AJAP1: variants seen among roughly 807,000 people sequenced by gnomAD.
AJAP1 encodes the protein adherens junction-associated protein 1.
AJAP1 carries 5 observed loss-of-function variants against 35.0 expected under a neutral mutation model. The ratio of observed to expected loss-of-function variants is 0.14; its 90% confidence interval spans 0.07 to 0.30. AJAP1 has a LOEUF of 0.30. Among genes scored for constraint, AJAP1 ranks in the 10% least tolerant of loss-of-function variants. The probability of loss-of-function intolerance (pLI) is 1.00; values close to 1 mark genes in which losing one functional copy is unlikely to be tolerated. For synonymous variants in AJAP1, 284 were observed against 249.3 expected (o/e 1.14, Z -1.31); for missense variants, 586 against 571.0 (o/e 1.03, Z -0.27).
chr1:4,754,516 C>G (rs1641385582), intron 2 of AJAP1, among the ~76,000 whole-genome samples: 1 of 152,194 alleles, frequency 6.6e-6, no homozygotes. Flanking sequence ...GTCCCAATCT[C>G]CATTCCAAGC....
At chr1:4,752,754 C>T (rs907275958) in intron 2 of AJAP1, among the ~76,000 whole-genome samples, 1 of 152,156 alleles carries the variant, frequency 6.6e-6, no homozygotes, top group Non-Finnish European at 1.5e-5. Context: ...GTAACCCTAT[C>T]ATTTGAATAA....
At chr1:4,737,148 T>C (rs984717352) in intron 2 of AJAP1, among the ~76,000 whole-genome samples, 3 of 152,166 alleles carry the variant, frequency 2.0e-5, no homozygotes, top group African/African-American at 7.2e-5. Flanking sequence ...GTCCTTTCCC[T>C]GCCTGCAGTT....
rs1437490970 is a variant in AJAP1, at chr1:4,783,481, ATATATATAT to A, written c.*997_*1005del. On this transcript the variant is annotated 3_prime_UTR_variant, in exon 6 of 6. Transcript: ENST00000378191. ...TTTATATATGTGTGTGTATATATAT[ATATATATAT>A]ATATATATATATATATATATGTTTG... The A allele has an allele frequency of 2.1e-5, 2 of 96,822 alleles. No homozygotes were observed. Among genetic ancestry groups the A allele is most frequent in the African/African-American group, 8.2e-5 (2 of 24,360 alleles). The allele number at this position is 96,822 out of a possible 1,614,324, so 6.0% of individuals were successfully genotyped here. A position where few individuals can be genotyped will look rare whatever the true frequency, so the allele number is the denominator to read the frequency against.
In AJAP1 at chr1:4,735,381, T is replaced by C. The variant is rs146914191; in HGVS notation, c.829+22682T>C. ...TGCATCAGTGGGGTGAGAACGCCTATTGGGAGAGGGGACCAATTTGGGCCC... is the reference window on the plus strand; with the variant it reads ...TGCATCAGTGGGGTGAGAACGCCTACTGGGAGAGGGGACCAATTTGGGCCC... On this transcript the variant is annotated intron_variant, in intron 2 of 5. Transcript: ENST00000378191. Among the ~76,000 whole-genome samples the C allele has an allele frequency of 1.7e-3, 262 of 152,250 alleles. 2 individuals are homozygous for C. The highest frequency in any genetic ancestry group is 5.8e-3 in the African/African-American group (240 of 41,566).
In AJAP1 at chr1:4,695,971, A is replaced by G. The variant is rs150701969; in HGVS notation, c.30-15929A>G. 3.4e-4 allele frequency among the ~76,000 whole-genome samples: 52 copies of G among 152,238 alleles called. 1 individual carries two copies. In the East Asian group the frequency reaches 8.3e-3, roughly 24 times the overall value. On this transcript the variant is annotated intron_variant, in intron 1 of 5. Coordinates refer to ENST00000378191, the MANE Select transcript of AJAP1 (RefSeq NM_018836.4). ...TTCTCTCGTACTGGGGGGTTCATCA[A>G]TACCTCCATGGCCATTTGTGTCTGG...
chr1:4,739,299 C>T (rs1026269402), intron 2 of AJAP1, among the ~76,000 whole-genome samples: 3 of 152,210 alleles, frequency 2.0e-5, no homozygotes, highest in South Asian at 2.1e-4. Flanking sequence ...GTGCAAGTAT[C>T]GGCAGGCTTT....
rs1441084482 is a variant in AJAP1 at position 4,782,512 on chromosome 1, C to G, written c.*60-33C>G. On this transcript the variant is annotated intron_variant, in intron 5 of 5. Coordinates refer to ENST00000378191, the MANE Select transcript of AJAP1 (RefSeq NM_018836.4). The surrounding 1 kb of genome is among the most constrained non-coding windows in gnomAD (Gnocchi z 5.3). ...ACTTGTCGCGCCCTCGGCGTGCTGC[C>G]ATTTAATCTCTTCTTGTTTTCTTTC... 2.7e-6 allele frequency: 1 copy of G among 366,064 alleles called. No individual in the cohort carries two copies. The highest frequency in any genetic ancestry group is 4.9e-6 in the Non-Finnish European group (1 of 206,026). 22.7% of individuals were successfully genotyped at this position (366,064 alleles called of 1,614,324 possible).
intron 1 of AJAP1, among the ~76,000 whole-genome samples, chr1:4,669,813 C>G (rs61414117): frequency 6.6e-6 from 1 of 152,166 alleles, no homozygotes; most frequent in Non-Finnish European, 1.5e-5. Flanking sequence ...GCCTGTCCAT[C>G]CACTGATGGA....
rs1642141911 is a variant in AJAP1, at chr1:4,785,187, G to A, written c.*2702G>A. 6.6e-6 allele frequency: 1 copy of A among 152,158 alleles called. No individual in the cohort carries two copies. The highest frequency in any genetic ancestry group is 2.1e-4 in the South Asian group (1 of 4,808). The allele number at this position is 152,158 out of a possible 1,614,324, so 9.4% of individuals were successfully genotyped here. ...CTCTTTCCTGGGTCCATAAGACATC[G>A]AGCCTTGGAAGGAAGCGTAATGCAA... On this transcript the variant is annotated 3_prime_UTR_variant, in exon 6 of 6. Transcript: ENST00000378191.
intron 2 of AJAP1, among the ~76,000 whole-genome samples, chr1:4,717,836 C>T (rs1015472720): frequency 7.2e-5 from 11 of 152,220 alleles, no homozygotes; most frequent in African/African-American, 2.4e-4. Flanking sequence ...GAGACATCCT[C>T]TTCCCCTTTG....
intron 2 of AJAP1, among the ~76,000 whole-genome samples, chr1:4,751,307 C>T (rs1192216341): frequency 2.6e-5 from 4 of 152,156 alleles, no homozygotes; most frequent in Non-Finnish European, 2.9e-5. Flanking sequence ...CACTGACAAA[C>T]GTTCGAATTC....
rs1638867609 is a variant in AJAP1, at chr1:4,655,816, G to C, written c.29+362G>C. On this transcript the variant is annotated intron_variant, in intron 1 of 5. Transcript: ENST00000378191. This position sits in a 1 kb window ranked among gnomAD's most constrained non-coding sequence, Gnocchi z 6.9. The stretch of plus-strand genomic sequence containing the variant: ...TCCCCGGGGCCCGGGGCGAGGCGCC[G>C]GCCGCTGGGCGCGGCGGGCGCGGGG... Among the ~76,000 whole-genome samples the C allele has an allele frequency of 6.7e-6, 1 of 149,084 alleles. No homozygotes were observed. Among genetic ancestry groups the C allele is most frequent in the South Asian group, 2.1e-4 (1 of 4,808 alleles).
In AJAP1 at chr1:4,789,089, T is replaced by C. The variant is rs1415898479; in HGVS notation, c.*6604T>C. 2.0e-5 allele frequency: 3 copies of C among 152,196 alleles called. No individual in the cohort carries two copies. Among genetic ancestry groups the C allele is most frequent in the African/African-American group, 7.2e-5 (3 of 41,444 alleles). The allele number at this position is 152,196 out of a possible 1,614,324, so 9.4% of individuals were successfully genotyped here. ...TTGAATGAGCCGTAAATCTGAGTCA[T>C]ATATAAGAGGCATAATATAAATTGG... On this transcript the variant is annotated 3_prime_UTR_variant, in exon 6 of 6. Transcript: ENST00000378191. The surrounding 1 kb of genome is among the most constrained non-coding windows in gnomAD (Gnocchi z 4.4).
At chr1:4,660,321 A>G (rs974634) in intron 1 of AJAP1, among the ~76,000 whole-genome samples, 33,234 of 152,190 alleles carry the variant, frequency 0.22, 3,709 homozygotes, top group East Asian at 0.28. Context: ...TCAAAGAAGG[A>G]GTGGGGAACG....
At chr1:4,728,306 C>T (rs1178704663) in intron 2 of AJAP1, among the ~76,000 whole-genome samples, 1 of 152,072 alleles carries the variant, frequency 6.6e-6, no homozygotes, top group Non-Finnish European at 1.5e-5. Context: ...TGGCTGAGCA[C>T]GGGGCCCTTC....
chr1:4,698,138 A>G (rs1639908333), intron 1 of AJAP1, among the ~76,000 whole-genome samples: 2 of 152,164 alleles, frequency 1.3e-5, no homozygotes, highest in African/African-American at 4.8e-5. Context: ...TGAGTGATTT[A>G]CACGGATGAT....
At chr1:4,731,058 G>A (rs1640785679) in intron 2 of AJAP1, among the ~76,000 whole-genome samples, 1 of 152,072 alleles carries the variant, frequency 6.6e-6, no homozygotes, top group Non-Finnish European at 1.5e-5. Flanking sequence ...ATTTATTTTA[G>A]GTTTTAGGTT....
rs370377388 is a variant in AJAP1, at chr1:4,654,655, G to C, written c.-771G>C. 921 of 148,164 alleles carry C rather than the reference G, an allele frequency of 6.2e-3. 38 individuals are homozygous for C. The South Asian group carries it at 0.072, about 12-fold the overall frequency. The allele number at this position is 148,164 out of a possible 1,614,324, so 9.2% of individuals were successfully genotyped here. On this transcript the variant is annotated 5_prime_UTR_variant, in exon 1 of 6. Transcript: ENST00000378191. This position sits in a 1 kb window ranked among gnomAD's most constrained non-coding sequence, Gnocchi z 5.1. ...TGAGCAGCGCGGGCGGCTCTGCGGC[G>C]GGCGCGGTGGGCGCGGGCGGCGGGG...
intron 2 of AJAP1, among the ~76,000 whole-genome samples, chr1:4,748,452 T>C (rs1221079546): frequency 1.3e-5 from 2 of 152,016 alleles, no homozygotes; most frequent in African/African-American, 4.8e-5. Flanking sequence ...TCCTCAAAAA[T>C]GGAACAGGGC....
Sources: allele counts gnomAD v4.1 joint callset (sites outside exome capture counted in the v4.1 genomes callset), GRCh38; gene constraint gnomAD v4.1.1; non-coding constraint Gnocchi (gnomAD v3.1); transcripts MANE v1.5; gene names NCBI Gene and HGNC (gene_info 2026-07-23, HGNC 2026-07-21).